NR1H4: variants seen among roughly 807,000 people sequenced by gnomAD.
NR1H4 encodes bile acid receptor.
A neutral mutation model predicts 58.5 loss-of-function variants in NR1H4; 23 were observed. That is an observed-to-expected ratio of 0.39 (90% CI 0.28 to 0.56). The LOEUF (loss-of-function observed/expected upper bound fraction) is 0.56, where lower values mean the gene tolerates loss of function less well. NR1H4 is among the 20% of genes least tolerant of loss of function. The pLI, the probability that NR1H4 is intolerant of heterozygous loss-of-function variation, is 0.58. For synonymous variants in NR1H4, 214 were observed against 198.0 expected (o/e 1.08, Z -0.68); for missense variants, 487 against 576.9 (o/e 0.84, Z 1.60).
chr12:100,483,124 C>T (rs974407929), intron 1 of NR1H4, among the ~76,000 whole-genome samples: 1 of 152,018 alleles, frequency 6.6e-6, no homozygotes, highest in African/African-American at 2.4e-5. Context: ...TGGAGTTTCA[C>T]CATGTTGGCC....
intron 4 of NR1H4, among the ~76,000 whole-genome samples, chr12:100,520,421 G>T (rs1249664550): frequency 6.6e-6 from 1 of 152,126 alleles, no homozygotes; most frequent in Non-Finnish European, 1.5e-5. Context: ...TCTGGGAGAT[G>T]CTCAGAGCCA....
intron 1 of NR1H4, among the ~76,000 whole-genome samples, chr12:100,475,012 T>C (rs1427764884): frequency 2.6e-5 from 4 of 152,148 alleles, no homozygotes; most frequent in African/African-American, 9.7e-5. Context: ...GTTTATGGTA[T>C]AGATTGTGGT....
intron 3 of NR1H4, among the ~76,000 whole-genome samples, chr12:100,503,014 C>A (rs1350818149): frequency 6.6e-6 from 1 of 152,126 alleles, no homozygotes; most frequent in African/African-American, 2.4e-5. Context: ...ACAGCCAAAC[C>A]ATATCAAGCA....
At chr12:100,513,465 T>C (rs906261400) in intron 4 of NR1H4, among the ~76,000 whole-genome samples, 19 of 152,022 alleles carry the variant, frequency 1.2e-4, no homozygotes, top group Non-Finnish European at 2.5e-4. Context: ...TAAAATGGTG[T>C]GGAATAAAGC....
At chr12:100,504,219 A>G (rs1393561908) in intron 3 of NR1H4, among the ~76,000 whole-genome samples, 1 of 152,222 alleles carries the variant, frequency 6.6e-6, no homozygotes, top group Non-Finnish European at 1.5e-5. Flanking sequence ...TATAATTAAA[A>G]CACAGTATAA....
At chr12:100,494,744 T>C (rs1953676371) in intron 3 of NR1H4, among the ~76,000 whole-genome samples, 1 of 152,244 alleles carries the variant, frequency 6.6e-6, no homozygotes, top group Non-Finnish European at 1.5e-5. Flanking sequence ...TATAGACATC[T>C]TAATGATTTT....
chr12:100,494,822 T>C (rs1375779301), intron 3 of NR1H4, among the ~76,000 whole-genome samples: 2 of 152,232 alleles, frequency 1.3e-5, no homozygotes, highest in African/African-American at 4.8e-5. Flanking sequence ...AAAGAAAAAT[T>C]GCACTCAAGA....
chr12:100,539,164 A>G (rs947075439), intron 8 of NR1H4, among the ~76,000 whole-genome samples: 10 of 152,330 alleles, frequency 6.6e-5, no homozygotes, highest in African/African-American at 2.4e-4. Flanking sequence ...CTGAGGGAGC[A>G]AGTACAATTA....
At chr12:100,481,521 C>A (rs1196344086) in intron 1 of NR1H4, among the ~76,000 whole-genome samples, 1 of 152,138 alleles carries the variant, frequency 6.6e-6, no homozygotes, top group Admixed American at 6.5e-5. Context: ...CTCCTGTAAT[C>A]CCAGCACTTT....
chr12:100,519,959 TCTC>T (rs1954371556), intron 4 of NR1H4, among the ~76,000 whole-genome samples: 1 of 152,108 alleles, frequency 6.6e-6, no homozygotes, highest in Non-Finnish European at 1.5e-5. Context: ...CCTTATGTGT[TCTC>T]CTGTGAAAAC....
At chr12:100,494,627 G>A (rs1221369087) in intron 3 of NR1H4, among the ~76,000 whole-genome samples, 1 of 152,232 alleles carries the variant, frequency 6.6e-6, no homozygotes, top group Non-Finnish European at 1.5e-5. Flanking sequence ...TCTTCATCCT[G>A]TAGATGCAGT....
chr12:100,559,282 A>G (rs1160133965), intron 9 of NR1H4, among the ~76,000 whole-genome samples: 2 of 152,206 alleles, frequency 1.3e-5, no homozygotes, highest in Non-Finnish European at 2.9e-5. Flanking sequence ...CTTTGGCAGC[A>G]CTTGAGGAGC....
At chr12:100,523,390 T>C (rs1006795013) in intron 4 of NR1H4, among the ~76,000 whole-genome samples, 12 of 152,206 alleles carry the variant, frequency 7.9e-5, no homozygotes, top group Admixed American at 7.9e-4. Flanking sequence ...TTGTCCACTT[T>C]TTGATGAGAT....
intron 9 of NR1H4, among the ~76,000 whole-genome samples, chr12:100,549,067 A>C (rs1955146102): frequency 6.6e-6 from 1 of 152,146 alleles, no homozygotes; most frequent in Non-Finnish European, 1.5e-5. Flanking sequence ...GGCCGGGCAC[A>C]GTGGCTCACA....
intron 8 of NR1H4, among the ~76,000 whole-genome samples, chr12:100,538,847 C>G (rs1387047106): frequency 6.6e-6 from 1 of 152,134 alleles, no homozygotes; most frequent in African/African-American, 2.4e-5. Flanking sequence ...CATTGAAACA[C>G]TAATATGCTC....
intron 4 of NR1H4, among the ~76,000 whole-genome samples, chr12:100,530,222 G>A (rs1364513700): frequency 1.3e-5 from 2 of 152,164 alleles, no homozygotes; most frequent in Admixed American, 6.5e-5. Flanking sequence ...AAAGAGTACA[G>A]GCTTTAGTGC....
intron 5 of NR1H4, among the ~76,000 whole-genome samples, chr12:100,533,944 C>T (rs188811783): frequency 0.012 from 1,839 of 150,854 alleles, 31 homozygotes; most frequent in African/African-American, 0.042. Flanking sequence ...GGCCGGACTG[C>T]GGACTGCAGT....
At chr12:100,520,513 C>A (rs1954387291) in intron 4 of NR1H4, among the ~76,000 whole-genome samples, 1 of 152,176 alleles carries the variant, frequency 6.6e-6, no homozygotes, top group South Asian at 2.1e-4. Context: ...GGACTGTTGG[C>A]TCCAGGAAGA....
chr12:100,510,849 A>C lies in NR1H4; in HGVS notation c.151A>C (p.Asn51His). Residue 51 changes from asparagine to histidine, a missense_variant, in exon 4 of 11, where the codon AAT becomes CAT. Transcript: ENST00000392986. ...LEVEPYSQYS[N>H]VQFPQVQPQI... Reference sequence around the variant, plus strand: ...AGTGGAACCATACTCGCAATACAGCAATGTTCAGTTTCCCCAAGTTCAACC... The same window carrying C: ...AGTGGAACCATACTCGCAATACAGCCATGTTCAGTTTCCCCAAGTTCAACC... The C allele has an allele frequency of 6.2e-7, 1 of 1,614,128 alleles. No homozygotes were observed. The highest frequency in any genetic ancestry group is 8.5e-7 in the Non-Finnish European group (1 of 1,180,012).
Sources: allele counts gnomAD v4.1 joint callset (sites outside exome capture counted in the v4.1 genomes callset), GRCh38; gene constraint gnomAD v4.1.1; transcripts MANE v1.5; gene names NCBI Gene and HGNC (gene_info 2026-07-23, HGNC 2026-07-21).